CSGALNACT1: variants seen among roughly 807,000 people sequenced by gnomAD.
CSGALNACT1 encodes beta4GalNAcT-1.
A neutral mutation model predicts 51.0 loss-of-function variants in CSGALNACT1; 52 were observed. The ratio of observed to expected loss-of-function variants is 1.02; its 90% CI spans 0.82 to 1.29. CSGALNACT1 has a LOEUF of 1.29. Among genes scored for constraint, CSGALNACT1 ranks in the 50% most tolerant of loss-of-function variants. The pLI is 0.00. For synonymous variants in CSGALNACT1, 341 were observed against 254.4 expected, an observed-to-expected ratio of 1.34 and a Z score of -3.24; for missense variants, 935 against 679.2, an observed-to-expected ratio of 1.38 and a Z score of -4.19.
chr8:19,497,669 C>T (rs140651273), intron 4 of CSGALNACT1, among the ~76,000 whole-genome samples: 1 of 152,238 alleles, frequency 6.6e-6, no homozygotes, highest in African/African-American at 2.4e-5. Flanking sequence ...ACAGTAAGAG[C>T]AACCTAAAAA....
At chr8:19,494,412 C>A (rs554256029) in intron 4 of CSGALNACT1, among the ~76,000 whole-genome samples, 30 of 152,246 alleles carry the variant, frequency 2.0e-4, no homozygotes, top group African/African-American at 7.2e-4. Context: ...ACTCCATGAC[C>A]AATTCTCTCT....
upstream of CSGALNACT1, among the ~76,000 whole-genome samples, chr8:19,605,316 A>T (rs1478948726): frequency 6.6e-6 from 1 of 151,890 alleles, no homozygotes. Context: ...GGCACCTGTA[A>T]TCCCAGCTAC....
chr8:19,620,051 A>C (rs989119639), intron 1 of CSGALNACT1, among the ~76,000 whole-genome samples: 1 of 152,142 alleles, frequency 6.6e-6, no homozygotes, highest in African/African-American at 2.4e-5. Context: ...AGTGGCTCAC[A>C]CCTGTAATCC....
chr8:19,496,586 C>T (rs561644354), intron 4 of CSGALNACT1, among the ~76,000 whole-genome samples: 11 of 152,264 alleles, frequency 7.2e-5, no homozygotes, highest in Admixed American at 2.6e-4. Flanking sequence ...TCCCTTACCA[C>T]GAAAAAGAAC....
At chr8:19,536,601 A>G (rs1355078974) in intron 3 of CSGALNACT1, among the ~76,000 whole-genome samples, 1 of 152,238 alleles carries the variant, frequency 6.6e-6, no homozygotes, top group Admixed American at 6.5e-5. Context: ...TCAAATTGAT[A>G]TATAAATTTA....
chr8:19,612,280 T>C (rs1327991389), intron 1 of CSGALNACT1, among the ~76,000 whole-genome samples: 5 of 151,940 alleles, frequency 3.3e-5, no homozygotes, highest in East Asian at 1.9e-4. Context: ...GAGGCTGAGG[T>C]TGCAGTGAGC....
At chr8:19,614,520 C>T (rs1331064206) in intron 1 of CSGALNACT1, among the ~76,000 whole-genome samples, 2 of 152,178 alleles carry the variant, frequency 1.3e-5, no homozygotes, top group East Asian at 1.9e-4. Flanking sequence ...CTTAAAGATA[C>T]AGCTCAATGA....
At chr8:19,405,282 ATTTTAC>A in exon 10 of CSGALNACT1, 1 of 453,598 alleles carries the variant, frequency 2.2e-6, no homozygotes, top group Non-Finnish European at 4.4e-6. Flanking sequence ...GGTCCATTTT[ATTTTAC>A]TTAATGTACT....
At chr8:19,660,620 G>A (rs912770486) in intron 1 of CSGALNACT1, among the ~76,000 whole-genome samples, 4 of 152,092 alleles carry the variant, frequency 2.6e-5, no homozygotes, top group African/African-American at 9.7e-5. Flanking sequence ...GTTAATTTGT[G>A]TGCCACCATG....
chr8:19,429,787 T>C (rs1222280242), intron 6 of CSGALNACT1, among the ~76,000 whole-genome samples: 1 of 152,224 alleles, frequency 6.6e-6, no homozygotes, highest in Non-Finnish European at 1.5e-5. Flanking sequence ...CGTTTAACCA[T>C]GTAAGGAACT....
intron 1 of CSGALNACT1, among the ~76,000 whole-genome samples, chr8:19,629,157 T>C (rs939048328): frequency 6.6e-6 from 1 of 152,186 alleles, no homozygotes; most frequent in Non-Finnish European, 1.5e-5. Context: ...TTTGAGAGCA[T>C]GCCCAGAGGA....
chr8:19,689,843 G>A (rs2061190005), intron 1 of CSGALNACT1, among the ~76,000 whole-genome samples: 1 of 152,200 alleles, frequency 6.6e-6, no homozygotes, highest in African/African-American at 2.4e-5. Context: ...ACCCTTACAA[G>A]GAAAGTGACG....
intron 5 of CSGALNACT1, among the ~76,000 whole-genome samples, chr8:19,454,796 A>AG (rs1339583264): frequency 6.6e-6 from 1 of 152,106 alleles, no homozygotes; most frequent in Non-Finnish European, 1.5e-5. Context: ...TAGTAAAAAA[A>AG]AAAAATATTT....
intron 1 of CSGALNACT1, among the ~76,000 whole-genome samples, chr8:19,631,945 ATCTGGG>A (rs890573420): frequency 1.3e-5 from 2 of 152,192 alleles, no homozygotes; most frequent in African/African-American, 4.8e-5. Context: ...TTTTTATGCA[ATCTGGG>A]ACAAGAGAAA....
chr8:19,469,426 G>A (rs995036954), intron 4 of CSGALNACT1, among the ~76,000 whole-genome samples: 2 of 152,078 alleles, frequency 1.3e-5, no homozygotes, highest in Admixed American at 6.6e-5. Flanking sequence ...AAAAGAAATA[G>A]CCCTCTGGAT....
At chr8:19,637,228 G>C (rs1422520929) in intron 1 of CSGALNACT1, among the ~76,000 whole-genome samples, 1 of 151,994 alleles carries the variant, frequency 6.6e-6, no homozygotes, top group Non-Finnish European at 1.5e-5. Context: ...TAAAAATAAA[G>C]TCTCAAGGAA....
intron 3 of CSGALNACT1, among the ~76,000 whole-genome samples, chr8:19,527,090 AGACAG>A (rs2081874782): frequency 6.6e-6 from 1 of 152,208 alleles, no homozygotes; most frequent in Non-Finnish European, 1.5e-5. Context: ...AAGATAAGTA[AGACAG>A]CATTCTTGAC....
chr8:19,756,883 A>C (rs935405937), intron 1 of CSGALNACT1, among the ~76,000 whole-genome samples: 1 of 151,934 alleles, frequency 6.6e-6, no homozygotes. Flanking sequence ...CGACCCCGGG[A>C]GCGCAGCGGC....
chr8:19,756,511 G>A (rs1327758918), intron 1 of CSGALNACT1, among the ~76,000 whole-genome samples: 1 of 152,146 alleles, frequency 6.6e-6, no homozygotes, highest in African/African-American at 2.4e-5. Flanking sequence ...TGCAGGAAGT[G>A]CGACGGAAAC....
Sources: gnomAD v4.1 joint callset for allele counts (sites outside exome capture counted in the v4.1 genomes callset) on GRCh38, gnomAD v4.1.1 for gene constraint, MANE v1.5 for transcripts, NCBI Gene and HGNC (gene_info 2026-07-23, HGNC 2026-07-21) for gene names.